Variants in PRELID2 observed in about 807,000 individuals in gnomAD.
The protein encoded by PRELID2 is PRELI domain-containing protein 2.
A neutral mutation model predicts 28.4 loss-of-function variants in PRELID2; 25 were observed. The observed-to-expected ratio is 0.88, with a 90% CI of 0.64 to 1.23. The LOEUF (loss-of-function observed/expected upper bound fraction) is 1.23, where lower values mean the gene tolerates loss of function less well. Ranked by LOEUF, PRELID2 falls within the 50% of genes most tolerant of loss-of-function variation. PRELID2 has a pLI of 0.00. For synonymous variants in PRELID2, 76 were observed against 71.6 expected (o/e 1.06, Z -0.31); for missense variants, 201 against 214.4 (o/e 0.94, Z 0.39).
chr5:145,593,055 G>A (rs896953471), intron 1 of PRELID2, among the ~76,000 whole-genome samples: 2 of 152,196 alleles, frequency 1.3e-5, no homozygotes, highest in Non-Finnish European at 2.9e-5. Context: ...CTTGAGAGCT[G>A]AGGTATCCAG....
intron 1 of PRELID2, among the ~76,000 whole-genome samples, chr5:145,666,409 G>C (rs900386480): frequency 6.6e-6 from 1 of 152,050 alleles, no homozygotes; most frequent in African/African-American, 2.4e-5. Context: ...AGCTACAATG[G>C]GAAAGACTAG....
At chr5:145,311,259 G>A in the PRELID2 span, among the ~76,000 whole-genome samples, 2 of 152,176 alleles carry the variant, frequency 1.3e-5, no homozygotes, top group Non-Finnish European at 2.9e-5. Flanking sequence ...CAGGGCCAGG[G>A]AAGGGAGGTG....
the PRELID2 span, among the ~76,000 whole-genome samples, chr5:145,319,494 C>T: frequency 1.3e-5 from 2 of 151,846 alleles, no homozygotes; most frequent in South Asian, 4.2e-4. Context: ...CATAGTGAAA[C>T]CCCATTTCTA....
Position 145,757,331 on chromosome 5 carries a change from A to G in PRELID2, c.*3205T>C, listed in dbSNP as rs1581144899. ...GTTCAAGTCAGCTTCTCTCTGCATAAGAACTTTATACTGTGTCCTGAATGA... is the reference window on the plus strand; with the variant it reads ...GTTCAAGTCAGCTTCTCTCTGCATAGGAACTTTATACTGTGTCCTGAATGA... On this transcript the variant is annotated 3_prime_UTR_variant, in exon 7 of 7. Transcript: ENST00000683046. Among the ~76,000 whole-genome samples, 1 of 152,344 alleles carries G rather than the reference A, an allele frequency of 6.6e-6. No individual in the cohort carries two copies. The highest frequency in any genetic ancestry group is 1.9e-4 in the East Asian group (1 of 5,186).
At chr5:145,349,624 T>C in the PRELID2 span, among the ~76,000 whole-genome samples, 2 of 152,106 alleles carry the variant, frequency 1.3e-5, no homozygotes, top group Admixed American at 1.3e-4. Context: ...CCATCTTCAA[T>C]TAAAGAAGTA....
chr5:145,387,526 C>G, the PRELID2 span, among the ~76,000 whole-genome samples: 1 of 152,170 alleles, frequency 6.6e-6, no homozygotes, highest in Non-Finnish European at 1.5e-5. Context: ...AGAATTTATA[C>G]TTACCATCAA....
At chr5:145,562,023 C>T (rs1278430996) in intron 1 of PRELID2, among the ~76,000 whole-genome samples, 1 of 152,158 alleles carries the variant, frequency 6.6e-6, no homozygotes, top group Admixed American at 6.5e-5. Flanking sequence ...TTTAACCTTG[C>T]ACATACACTC....
chr5:145,490,155 A>C (rs887538153), intron 1 of PRELID2, among the ~76,000 whole-genome samples: 13 of 152,198 alleles, frequency 8.5e-5, no homozygotes, highest in Admixed American at 8.5e-4. Flanking sequence ...TTGATTGATA[A>C]ATCAGCTTGT....
At chr5:145,742,326 A>ACT (rs1554088329) in intron 1 of PRELID2, among the ~76,000 whole-genome samples, 8 of 136,632 alleles carry the variant, frequency 5.9e-5, no homozygotes, top group Admixed American at 4.6e-4. Context: ...AAAAATAGAT[A>ACT]TATTTTTTTT....
chr5:145,615,519 G>T (rs1294534746), intron 1 of PRELID2, among the ~76,000 whole-genome samples: 1 of 126,974 alleles, frequency 7.9e-6, no homozygotes, highest in African/African-American at 3.4e-5. Flanking sequence ...GTAGAGACGG[G>T]GTTTCACCGT....
chr5:145,358,574 C>G, the PRELID2 span, among the ~76,000 whole-genome samples: 1 of 151,968 alleles, frequency 6.6e-6, no homozygotes, highest in South Asian at 2.1e-4. Context: ...CACTTTAACT[C>G]TAGTCTCATG....
the PRELID2 span, among the ~76,000 whole-genome samples, chr5:145,465,740 A>G: frequency 6.6e-6 from 1 of 152,146 alleles, no homozygotes; most frequent in Non-Finnish European, 1.5e-5. Flanking sequence ...TAGTTAGTAT[A>G]ATAGTAAATA....
downstream of PRELID2, among the ~76,000 whole-genome samples, chr5:145,753,219 GT>G (rs1162991059): frequency 6.6e-6 from 1 of 152,152 alleles, no homozygotes. Flanking sequence ...TAACAGGATA[GT>G]GGCTGCTATT....
chr5:145,615,873 C>T (rs1753691668), intron 1 of PRELID2, among the ~76,000 whole-genome samples: 1 of 152,186 alleles, frequency 6.6e-6, no homozygotes, highest in Non-Finnish European at 1.5e-5. Context: ...ATTTTATCTG[C>T]TTCCAGGATA....
At chr5:145,583,468 G>T (rs1426881935) in intron 1 of PRELID2, among the ~76,000 whole-genome samples, 1 of 152,076 alleles carries the variant, frequency 6.6e-6, no homozygotes, top group Non-Finnish European at 1.5e-5. Context: ...AAGAAATAAA[G>T]CATATTCAAA....
intron 1 of PRELID2, among the ~76,000 whole-genome samples, chr5:145,582,483 C>A (rs897549650): frequency 1.3e-5 from 2 of 151,912 alleles, no homozygotes; most frequent in Non-Finnish European, 2.9e-5. Context: ...CCTACCAGAC[C>A]CCTCCCCCAA....
At chr5:145,258,837 G>A in the PRELID2 span, among the ~76,000 whole-genome samples, 1 of 152,166 alleles carries the variant, frequency 6.6e-6, no homozygotes, top group Non-Finnish European at 1.5e-5. Context: ...CAATGGAGAA[G>A]AGGCTTTGAA....
At chr5:145,670,239 C>T (rs1413932051) in intron 1 of PRELID2, among the ~76,000 whole-genome samples, 4 of 152,050 alleles carry the variant, frequency 2.6e-5, no homozygotes, top group South Asian at 2.1e-4. Context: ...AGGTGTGTCA[C>T]GTGGCAAGAA....
At chr5:145,825,382 C>G (rs1561655214) in intron 1 of PRELID2, among the ~76,000 whole-genome samples, 1 of 152,036 alleles carries the variant, frequency 6.6e-6, no homozygotes, top group Non-Finnish European at 1.5e-5. Context: ...CACAGTACCC[C>G]TAAAGCAAGG....
Sources: allele counts gnomAD v4.1 joint callset (sites outside exome capture counted in the v4.1 genomes callset), GRCh38; gene constraint gnomAD v4.1.1; transcripts MANE v1.5; gene names NCBI Gene and HGNC (gene_info 2026-07-23, HGNC 2026-07-21).